The following COG6 variants were observed in gnomAD, a reference collection of about 807,000 sequenced individuals.
COG6 encodes the protein conserved oligomeric Golgi complex subunit 6.
A neutral mutation model predicts 88.8 loss-of-function variants in COG6; 74 were observed. The observed-to-expected ratio is 0.83, with a 90% CI of 0.69 to 1.01. The LOEUF (loss-of-function observed/expected upper bound fraction) is 1.01. Among genes scored for constraint, COG6 ranks in the 50% least tolerant of loss-of-function variants. COG6 has a pLI of 0.00. For missense variants in COG6, 800 were observed against 797.9 expected (o/e 1.00, Z -0.03); for synonymous variants, 286 against 278.7 (o/e 1.03, Z -0.26).
chr13:39,722,519 C>T (rs1458973425), intron 15 of COG6, among the ~76,000 whole-genome samples: 1 of 148,856 alleles, frequency 6.7e-6, no homozygotes, highest in Non-Finnish European at 1.5e-5. Context: ...CCATAGTTGA[C>T]AGTGTACTAT....
intron 1 of COG6, chr13:39,656,388 G>A (rs1190459473): frequency 2.9e-6 from 1 of 342,730 alleles, no homozygotes; most frequent in Non-Finnish European, 5.8e-6. Context: ...AACTACCTTT[G>A]CCCGTGGCTG....
chr13:39,667,367 A>G (rs560274617), intron 4 of COG6, among the ~76,000 whole-genome samples: 2 of 152,296 alleles, frequency 1.3e-5, no homozygotes, highest in African/African-American at 4.8e-5. Context: ...TGTGTTTTCT[A>G]CAAGCCAAAA....
At chr13:39,745,905 A>G (rs1459074095) in intron 18 of COG6, among the ~76,000 whole-genome samples, 1 of 152,162 alleles carries the variant, frequency 6.6e-6, no homozygotes, top group African/African-American at 2.4e-5. Flanking sequence ...ATGCAGCCAT[A>G]AAAAAGGATG....
chr13:39,655,712 G>C lies in COG6; in HGVS notation c.-15G>C. On this transcript the variant is annotated 5_prime_UTR_variant, in exon 1 of 19. Transcript: ENST00000455146. The stretch of plus-strand genomic sequence containing the variant: ...CCTGGCTGAGGTGGCAGCAGGGGGC[G>C]GGACGCGCAGCGCTATGGCAGAGGG... The C allele has an allele frequency of 6.3e-7, 1 of 1,584,366 alleles. No homozygotes were observed. Among genetic ancestry groups the C allele is most frequent in the Non-Finnish European group, 8.6e-7 (1 of 1,164,516 alleles).
chr13:39,732,224 G>T (rs1879490936), intron 18 of COG6, among the ~76,000 whole-genome samples: 1 of 152,088 alleles, frequency 6.6e-6, no homozygotes, highest in Non-Finnish European at 1.5e-5. Flanking sequence ...AACTATCAGA[G>T]CTAATTTAGA....
At chr13:39,677,978 C>G in intron 5 of COG6, 1 of 378,120 alleles carries the variant, frequency 2.6e-6, no homozygotes, top group South Asian at 2.0e-5. Flanking sequence ...TCTACCCACT[C>G]TGTCTCCTCC....
intron 12 of COG6, among the ~76,000 whole-genome samples, chr13:39,698,454 G>C (rs1238471467): frequency 6.6e-6 from 1 of 151,800 alleles, no homozygotes; most frequent in Non-Finnish European, 1.5e-5. Context: ...GTATTTTGCT[G>C]TTTGCTATAT....
chr13:39,686,152 G>C (rs1001614468), intron 8 of COG6, among the ~76,000 whole-genome samples: 1 of 152,134 alleles, frequency 6.6e-6, no homozygotes, highest in African/African-American at 2.4e-5. Flanking sequence ...GGAAGTTTTG[G>C]TAATTTTTGT....
In COG6 at chr13:39,751,526, A is replaced by G; in HGVS notation, c.*433A>G. The G allele has an allele frequency of 1.6e-6, 2 of 1,285,412 alleles. No individual in the cohort carries two copies. Among genetic ancestry groups the G allele is most frequent in the South Asian group, 1.2e-5 (1 of 80,890 alleles). 79.6% of individuals were successfully genotyped at this position (1,285,412 alleles called of 1,614,324 possible). ...AAAGATTCATTTGCTTTCTTTTAAT[A>G]TGAGTAGGCATACTTAGTAGCTTTT... On this transcript the variant is annotated 3_prime_UTR_variant, in exon 19 of 19. Transcript: ENST00000455146.
At chr13:39,692,273 T>C (rs1490610546) in intron 11 of COG6, among the ~76,000 whole-genome samples, 1 of 151,882 alleles carries the variant, frequency 6.6e-6, no homozygotes, top group Non-Finnish European at 1.5e-5. Flanking sequence ...CCAGAACTAA[T>C]ATATTAAATT....
At chr13:39,726,477 T>G (rs1208871134) in intron 17 of COG6, among the ~76,000 whole-genome samples, 1 of 151,930 alleles carries the variant, frequency 6.6e-6, no homozygotes, top group Non-Finnish European at 1.5e-5. Flanking sequence ...AGTAACCAAG[T>G]CCTGATGGTC....
chr13:39,680,545 A>G (rs1482230071), intron 7 of COG6, among the ~76,000 whole-genome samples: 4 of 152,218 alleles, frequency 2.6e-5, no homozygotes, highest in East Asian at 1.9e-4. Flanking sequence ...GGTTCTCACT[A>G]TGCTAAAATC....
intron 8 of COG6, among the ~76,000 whole-genome samples, chr13:39,687,083 C>T (rs9532418): frequency 0.99 from 151,149 of 152,220 alleles, 75,054 homozygotes; most frequent in East Asian, 1. Context: ...TATGGCTTTA[C>T]GTAAAACAGT....
At chr13:39,690,394 G>A (rs950799274) in intron 11 of COG6, among the ~76,000 whole-genome samples, 1 of 151,954 alleles carries the variant, frequency 6.6e-6, no homozygotes, top group African/African-American at 2.4e-5. Flanking sequence ...GGTGGGACCT[G>A]TATATTAAAA....
intron 18 of COG6, among the ~76,000 whole-genome samples, chr13:39,770,512 C>T (rs1881289349): frequency 6.6e-6 from 1 of 152,182 alleles, no homozygotes; most frequent in African/African-American, 2.4e-5. Context: ...GACTGAAGCC[C>T]AGGTCTTCTG....
intron 13 of COG6, among the ~76,000 whole-genome samples, chr13:39,701,144 G>A (rs977376594): frequency 6.6e-5 from 10 of 151,802 alleles, no homozygotes; most frequent in Non-Finnish European, 1.5e-5. Flanking sequence ...GGCAAGAGGG[G>A]ACAGATTCAT....
Position 39,655,674 on chromosome 13 carries a change from T to G in COG6, c.-53T>G, listed in dbSNP as rs534007509. ...GCACATGCGCAATACTCGCGCTGCC[T>G]CCGTGGTCCCTGCCTGGCTGAGGTG... is the stretch of plus-strand genomic sequence containing the variant. On this transcript the variant is annotated 5_prime_UTR_variant, in exon 1 of 19. Coordinates refer to ENST00000455146, the MANE Select transcript of COG6 (RefSeq NM_020751.3). 6.3e-4 allele frequency: 980 copies of G among 1,550,206 alleles called. 15 individuals are homozygous for G. The East Asian group carries it at 0.023, about 36-fold the overall frequency.
At chr13:39,784,056 C>T (rs939390432) in intron 18 of COG6, among the ~76,000 whole-genome samples, 2 of 152,052 alleles carry the variant, frequency 1.3e-5, no homozygotes, top group Admixed American at 6.6e-5. Flanking sequence ...GATGCAGGGC[C>T]GGCTCCATCT....
At chr13:39,742,149 A>G (rs1299286878) in intron 18 of COG6, among the ~76,000 whole-genome samples, 1 of 152,220 alleles carries the variant, frequency 6.6e-6, no homozygotes, top group Admixed American at 6.5e-5. Flanking sequence ...CTGCAAAAAC[A>G]TGCCGAACTG....
Sources: gnomAD v4.1 joint callset for allele counts (sites outside exome capture counted in the v4.1 genomes callset) on GRCh38, gnomAD v4.1.1 for gene constraint, MANE v1.5 for transcripts, NCBI Gene and HGNC (gene_info 2026-07-23, HGNC 2026-07-21) for gene names.